EIF4G3: variants seen among roughly 807,000 people sequenced by gnomAD.
EIF4G3 encodes the protein eukaryotic translation initiation factor 4 gamma 3, also known as eIF-4-gamma 3.
Under a neutral mutation model 186.4 loss-of-function variants are expected in EIF4G3, and 34 were observed. That is an observed-to-expected ratio of 0.18 (90% CI 0.14 to 0.24). The LOEUF is 0.24. EIF4G3 is among the 10% of genes least tolerant of loss of function. EIF4G3 has a pLI of 1.00. For missense variants in EIF4G3, 1,536 were observed against 1,948.5 expected, an observed-to-expected ratio of 0.79 and a Z score of 3.99; for synonymous variants, 673 against 679.5, an observed-to-expected ratio of 0.99 and a Z score of 0.15.
intron 2 of EIF4G3, among the ~76,000 whole-genome samples, chr1:21,166,123 C>CTTTTTTTTTTTTTTTTTTTTTTTTT (rs1573668577): frequency 1.9e-5 from 2 of 105,542 alleles, no homozygotes; most frequent in African/African-American, 3.0e-5. Context: ...CTTTTTTTTC[C>CTTTTTTTTTTTTTTTTTTTTTTTTT]TTTTAAAAAT....
chr1:21,001,451 C>A, intron 5 of EIF4G3, 139 bp from the exon 6 acceptor site: 1 of 379,194 alleles, frequency 2.6e-6, no homozygotes, highest in Non-Finnish European at 5.2e-6. Flanking sequence ...CCAAAGAATT[C>A]TTTGCAATAG....
chr1:20,992,323 T>G (rs1296027152), intron 7 of EIF4G3, among the ~76,000 whole-genome samples: 2 of 141,484 alleles, frequency 1.4e-5, no homozygotes, highest in Non-Finnish European at 3.1e-5. Flanking sequence ...ATAAATTGCC[T>G]ATAGTAACAC....
rs1377917102 is a variant in EIF4G3 at position 20,857,473 on chromosome 1, C to T, written c.3269G>A (p.Gly1090Glu). Residue 1090 changes from glycine (G) to glutamate (E), a missense_variant, in exon 25 of 37, where the codon GGG (glycine) becomes GAG (glutamate). Gly to Glu is a moderately conservative substitution (Grantham distance 98). Transcript: ENST00000602326. ...CTTGGCCCCTTGTACAGTGTTCCAC[C>T]CACCTTCGTCCACTCTCTGGACACC... ...RPGVQRVDEG[G>E]WNTVQGAKNS... 9.3e-6 allele frequency: 15 copies of T among 1,614,088 alleles called. No individual in the cohort carries two copies. The highest frequency in any genetic ancestry group is 1.2e-5 in the Non-Finnish European group (14 of 1,180,004).
intron 8 of EIF4G3, 79 bp downstream of exon 8, chr1:20,982,309 A>T (rs2078463460): frequency 1.9e-6 from 2 of 1,031,596 alleles, no homozygotes; most frequent in Non-Finnish European, 2.7e-6. Context: ...GAATGTATCC[A>T]TTCATTAGCA....
At chr1:21,072,831 T>A (rs939252675) in intron 3 of EIF4G3, among the ~76,000 whole-genome samples, 2 of 152,266 alleles carry the variant, frequency 1.3e-5, no homozygotes, top group African/African-American at 4.8e-5. Context: ...TTCATTGTAG[T>A]TGTAAGAATA....
chr1:21,013,802 C>A (rs958107313), intron 4 of EIF4G3, among the ~76,000 whole-genome samples: 2 of 152,168 alleles, frequency 1.3e-5, no homozygotes, highest in African/African-American at 4.8e-5. Context: ...CCTGATGTTA[C>A]CCATCATGGA....
At chr1:21,062,889 C>G (rs974184152) in intron 3 of EIF4G3, among the ~76,000 whole-genome samples, 2 of 152,026 alleles carry the variant, frequency 1.3e-5, no homozygotes, top group Non-Finnish European at 2.9e-5. Flanking sequence ...CGGTGCCCAG[C>G]CAATATATAT....
intron 33 of EIF4G3, among the ~76,000 whole-genome samples, chr1:20,820,054 G>T (rs2061946987): frequency 6.6e-6 from 1 of 152,162 alleles, no homozygotes; most frequent in Non-Finnish European, 1.5e-5. Flanking sequence ...TGGGATGGAA[G>T]CTGCCTGTGC....
rs143753461 is a variant in EIF4G3 at position 20,999,335 on chromosome 1, G to A, written c.145-1702C>T. The A allele has an allele frequency of 4.8e-3, 1,748 of 367,816 alleles. 30 individuals are homozygous for A. The highest frequency in any genetic ancestry group is 0.02 in the South Asian group (961 of 48,358). 22.8% of individuals were successfully genotyped at this position (367,816 alleles called of 1,614,324 possible). On this transcript the variant is annotated intron_variant, in intron 6 of 36. Coordinates refer to ENST00000602326, the MANE Select transcript of EIF4G3 (RefSeq NM_001391906.1). Reference sequence around the variant, plus strand: ...CTTGTATTTTCAGTTTTCCAATTAGGAGAAGAAAACATCATACTTCTACTA... The same window carrying A: ...CTTGTATTTTCAGTTTTCCAATTAGAAGAAGAAAACATCATACTTCTACTA...
intron 4 of EIF4G3, among the ~76,000 whole-genome samples, chr1:21,048,085 A>C (rs1323688557): frequency 6.6e-6 from 1 of 152,196 alleles, no homozygotes; most frequent in African/African-American, 2.4e-5. Flanking sequence ...CTGGTTTCTA[A>C]AGGCACCTGG....
At chr1:20,858,425 A>G (rs968207041) in intron 24 of EIF4G3, among the ~76,000 whole-genome samples, 10 of 152,080 alleles carry the variant, frequency 6.6e-5, no homozygotes, top group Non-Finnish European at 1.5e-4. Context: ...AGATTTCCAC[A>G]TGATTTAACA....
chr1:21,013,248 T>A (rs1299810629), intron 4 of EIF4G3, among the ~76,000 whole-genome samples: 1 of 151,958 alleles, frequency 6.6e-6, no homozygotes, highest in Admixed American at 6.6e-5. Flanking sequence ...GCCAACTAAA[T>A]GCCCCATCGA....
intron 2 of EIF4G3, among the ~76,000 whole-genome samples, chr1:21,129,372 G>T (rs2097110345): frequency 6.6e-6 from 1 of 152,022 alleles, no homozygotes; most frequent in Non-Finnish European, 1.5e-5. Flanking sequence ...GTGTGGACTG[G>T]CATATCAGTT....
At chr1:20,871,934 G>C (rs537032631) in intron 20 of EIF4G3, among the ~76,000 whole-genome samples, 8 of 150,410 alleles carry the variant, frequency 5.3e-5, no homozygotes, top group Non-Finnish European at 1.0e-4. Context: ...AGTGATTCTC[G>C]TGCCTCAGCC....
intron 3 of EIF4G3, among the ~76,000 whole-genome samples, chr1:21,084,719 C>A (rs1379589308): frequency 6.6e-6 from 1 of 151,780 alleles, no homozygotes; most frequent in Non-Finnish European, 1.5e-5. Context: ...TCCTAGAAAT[C>A]TTCAGTTTCA....
intron 5 of EIF4G3, among the ~76,000 whole-genome samples, chr1:21,001,777 G>A (rs555679273): frequency 1.3e-5 from 2 of 152,160 alleles, no homozygotes; most frequent in African/African-American, 2.4e-5. Flanking sequence ...TTACATTTTG[G>A]TGCAGTCTAT....
intron 4 of EIF4G3, among the ~76,000 whole-genome samples, chr1:21,025,065 G>A (rs2091855518): frequency 6.6e-6 from 1 of 152,118 alleles, no homozygotes; most frequent in Non-Finnish European, 1.5e-5. Context: ...AAAAAGCAGA[G>A]GAGATCATGT....
At chr1:21,033,739 G>A (rs2092941143) in intron 4 of EIF4G3, among the ~76,000 whole-genome samples, 1 of 152,136 alleles carries the variant, frequency 6.6e-6, no homozygotes, top group African/African-American at 2.4e-5. Context: ...GTTTGAAGGT[G>A]GTGATGAAGA....
At chr1:20,857,359 G>T in intron 25 of EIF4G3, 44 bp downstream of exon 25, 1 of 1,398,898 alleles carries the variant, frequency 7.1e-7, no homozygotes, top group Non-Finnish European at 1.0e-6. Flanking sequence ...AATATCAAAG[G>T]CATCAAAGGA....
Sources: allele counts gnomAD v4.1 joint callset (sites outside exome capture counted in the v4.1 genomes callset), GRCh38; gene constraint gnomAD v4.1.1; transcripts MANE v1.5; gene names NCBI Gene and HGNC (gene_info 2026-07-23, HGNC 2026-07-21).